Variants in THSD7B observed in about 807,000 individuals in gnomAD.
THSD7B encodes thrombospondin type-1 domain-containing protein 7B.
A neutral mutation model predicts 213.6 loss-of-function variants in THSD7B; 138 were observed. The observed-to-expected ratio is 0.65, with a 90% CI of 0.56 to 0.74. The LOEUF is 0.74. Among genes scored for constraint, THSD7B ranks in the 30% least tolerant of loss-of-function variants. THSD7B has a pLI of 0.00. For synonymous variants in THSD7B, 742 were observed against 687.0 expected (o/e 1.08, Z -1.25); for missense variants, 1,931 against 1,991.5 (o/e 0.97, Z 0.58).
At chr2:137,064,718 G>T (rs1201743310) in intron 3 of THSD7B, among the ~76,000 whole-genome samples, 1 of 151,824 alleles carries the variant, frequency 6.6e-6, no homozygotes, top group Non-Finnish European at 1.5e-5. Context: ...TCATTCTTCT[G>T]CATAGGGATA....
At chr2:137,144,125 A>C (rs1361710689) in intron 5 of THSD7B, among the ~76,000 whole-genome samples, 1 of 152,046 alleles carries the variant, frequency 6.6e-6, no homozygotes, top group Non-Finnish European at 1.5e-5. Flanking sequence ...TCTGGGTGGA[A>C]GTAATAGCAA....
intron 1 of THSD7B, among the ~76,000 whole-genome samples, chr2:136,819,689 C>G (rs190874156): frequency 2.6e-3 from 401 of 152,152 alleles, no homozygotes; most frequent in African/African-American, 9.1e-3. Context: ...TGCTTATGCC[C>G]CCCCCAGTCC....
chr2:136,927,863 G>T (rs1425104088), intron 2 of THSD7B, among the ~76,000 whole-genome samples: 1 of 152,146 alleles, frequency 6.6e-6, no homozygotes, highest in African/African-American at 2.4e-5. Context: ...TCCTAACGGA[G>T]GGTCAGCAAG....
At chr2:137,046,669 G>A (rs1686975648) in intron 2 of THSD7B, among the ~76,000 whole-genome samples, 1 of 148,330 alleles carries the variant, frequency 6.7e-6, no homozygotes, top group Non-Finnish European at 1.5e-5. Flanking sequence ...GGCAGAGTTT[G>A]CAGTGAGCCA....
At chr2:136,915,393 G>A (rs1006100046) in intron 2 of THSD7B, among the ~76,000 whole-genome samples, 1 of 152,182 alleles carries the variant, frequency 6.6e-6, no homozygotes, top group Non-Finnish European at 1.5e-5. Flanking sequence ...TGTTTTTCCT[G>A]TGATAGTGGC....
At chr2:137,373,929 T>A (rs1685592249) in intron 12 of THSD7B, among the ~76,000 whole-genome samples, 1 of 152,330 alleles carries the variant, frequency 6.6e-6, no homozygotes, top group Non-Finnish European at 1.5e-5. Flanking sequence ...CTAGCCAGTT[T>A]TCCCAGCACC....
chr2:137,627,693 G>A (rs1376257959), intron 20 of THSD7B, among the ~76,000 whole-genome samples: 3 of 152,136 alleles, frequency 2.0e-5, no homozygotes, highest in South Asian at 4.1e-4. Flanking sequence ...TGTAGCCAGG[G>A]TACATATTAG....
chr2:137,600,663 G>A (rs193064863), intron 17 of THSD7B, among the ~76,000 whole-genome samples: 22 of 152,302 alleles, frequency 1.4e-4, no homozygotes, highest in Admixed American at 1.1e-3. Context: ...ACTTGAACCC[G>A]TGGGGAAGAG....
chr2:136,942,196 A>T (rs753207942), intron 2 of THSD7B, among the ~76,000 whole-genome samples: 4 of 152,166 alleles, frequency 2.6e-5, no homozygotes, highest in Middle Eastern at 3.4e-3. Context: ...GTTCTGTTCC[A>T]TTGGACTGTA....
chr2:136,977,650 G>A (rs959067355), intron 2 of THSD7B, among the ~76,000 whole-genome samples: 7 of 151,968 alleles, frequency 4.6e-5, no homozygotes, highest in Admixed American at 1.3e-4. Flanking sequence ...TCAGAGATTC[G>A]AGTTTGTTGT....
chr2:136,831,132 T>C (rs1467573649), intron 1 of THSD7B, among the ~76,000 whole-genome samples: 2 of 150,580 alleles, frequency 1.3e-5, no homozygotes, highest in Non-Finnish European at 3.0e-5. Flanking sequence ...GTAGAATCTT[T>C]TTTTTTTTTT....
intron 2 of THSD7B, among the ~76,000 whole-genome samples, chr2:136,970,803 A>T (rs1461851997): frequency 6.6e-6 from 1 of 152,204 alleles, no homozygotes; most frequent in Non-Finnish European, 1.5e-5. Flanking sequence ...AAAAAGAAAG[A>T]AAGAGAGTGA....
intron 12 of THSD7B, among the ~76,000 whole-genome samples, chr2:137,340,804 AT>A (rs1684745047): frequency 6.6e-6 from 1 of 151,658 alleles, no homozygotes; most frequent in Admixed American, 6.6e-5. Context: ...TGTATCCCAC[AT>A]TTTCTGTATC....
intron 15 of THSD7B, among the ~76,000 whole-genome samples, chr2:137,458,351 C>G (rs2105076043): frequency 6.6e-6 from 1 of 152,284 alleles, no homozygotes; most frequent in South Asian, 2.1e-4. Context: ...TTTGACTGGT[C>G]TGCTTTTACT....
intron 15 of THSD7B, among the ~76,000 whole-genome samples, chr2:137,510,667 T>G: frequency 6.6e-6 from 1 of 152,198 alleles, no homozygotes. Flanking sequence ...AACAATTTTT[T>G]TTTAACTGTT....
intron 3 of THSD7B, among the ~76,000 whole-genome samples, chr2:137,082,098 T>C (rs566051883): frequency 5.3e-5 from 8 of 152,224 alleles, no homozygotes; most frequent in African/African-American, 1.9e-4. Context: ...TTCCGAACTG[T>C]TTTCTGTATT....
chr2:137,608,225 T>G (rs935456598), intron 17 of THSD7B, among the ~76,000 whole-genome samples: 1 of 152,194 alleles, frequency 6.6e-6, no homozygotes, highest in African/African-American at 2.4e-5. Context: ...AGCCTGTGAT[T>G]TATCTTGCTT....
intron 12 of THSD7B, among the ~76,000 whole-genome samples, chr2:137,305,296 C>T (rs1683714936): frequency 6.6e-6 from 1 of 152,090 alleles, no homozygotes; most frequent in South Asian, 2.1e-4. Context: ...ATTACAGAGA[C>T]TTGGCTTACA....
intron 12 of THSD7B, among the ~76,000 whole-genome samples, chr2:137,372,278 C>T (rs544444201): frequency 4.1e-5 from 6 of 147,364 alleles, no homozygotes; most frequent in Non-Finnish European, 7.4e-5. Flanking sequence ...GTAATCCCCT[C>T]AGCTATGCCT....
Sources: allele counts gnomAD v4.1 joint callset (sites outside exome capture counted in the v4.1 genomes callset), GRCh38; gene constraint gnomAD v4.1.1; transcripts MANE v1.5; gene names NCBI Gene and HGNC (gene_info 2026-07-23, HGNC 2026-07-21).